Variants in VASN observed in about 807,000 individuals in gnomAD.
The protein encoded by VASN is protein slit-like 2.
Under a neutral mutation model 4.8 loss-of-function variants are expected in VASN, and 5 were observed. The observed-to-expected ratio is 1.03, with a 90% confidence interval of 0.54 to 2.17. The LOEUF (loss-of-function observed/expected upper bound fraction) is 2.17, where lower values mean the gene tolerates loss of function less well. Ranked by LOEUF, VASN falls within the 30% of genes most tolerant of loss-of-function variation. The pLI, the probability that VASN is intolerant of heterozygous loss-of-function variation, is 0.01. For synonymous variants in VASN, 499 were observed against 460.8 expected, an observed-to-expected ratio of 1.08 and a Z score of -1.06; for missense variants, 927 against 948.8, an observed-to-expected ratio of 0.98 and a Z score of 0.30.
At chr16:4,379,018 T>C (rs1227057871) in intron 1 of VASN, among the ~76,000 whole-genome samples, 1 of 152,000 alleles carries the variant, frequency 6.6e-6, no homozygotes, top group Admixed American at 6.5e-5. Flanking sequence ...ACCCCAGTGG[T>C]CACCTCACCA....
At position 4,382,367 on chromosome 16, in the gene VASN, C is replaced by T; in HGVS notation, c.1490C>T (p.Thr497Ile). Reference protein sequence around the residue: ...SSVQLRSLRLTYRNLSGPDKR... With the variant: ...SSVQLRSLRLIYRNLSGPDKR... Reference sequence around the variant, plus strand: ...GTGCAGCTCAGGAGCCTCCGTCTCACCTATCGCAACCTATCGGGCCCTGAT... The same window carrying T: ...GTGCAGCTCAGGAGCCTCCGTCTCATCTATCGCAACCTATCGGGCCCTGAT... Residue 497 changes from threonine to isoleucine, a missense_variant, in exon 2 of 2, where the codon ACC becomes ATC. By Grantham distance (89) the Thr-to-Ile change is moderately conservative. Coordinates refer to ENST00000304735, the MANE Select transcript of VASN (RefSeq NM_138440.3). 1 of 1,612,162 alleles carries T rather than the reference C, an allele frequency of 6.2e-7. No individual in the cohort carries two copies.
At chr16:4,379,511 C>T (rs1233640637) in intron 1 of VASN, among the ~76,000 whole-genome samples, 2 of 152,152 alleles carry the variant, frequency 1.3e-5, no homozygotes, top group Non-Finnish European at 2.9e-5. Context: ...CACACCTGGG[C>T]TCTAGCTCGG....
In VASN at chr16:4,371,853, C is replaced by G. The variant is rs1383357952; in HGVS notation, c.-150C>G. On this transcript the variant is annotated 5_prime_UTR_variant, in exon 1 of 2. Transcript: ENST00000304735. ...CGACCTGCCTCCAGCGAGCCGACTC[C>G]GGAGCCCGAGCCCGGGGCGGGTGGA... 6.6e-6 allele frequency: 1 copy of G among 152,136 alleles called. No homozygotes were observed. Among genetic ancestry groups the G allele is most frequent in the Non-Finnish European group, 1.5e-5 (1 of 68,004 alleles). 9.4% of individuals were successfully genotyped at this position (152,136 alleles called of 1,614,324 possible).
chr16:4,377,646 T>A (rs1006227280), intron 1 of VASN, among the ~76,000 whole-genome samples: 2 of 152,188 alleles, frequency 1.3e-5, no homozygotes, highest in Non-Finnish European at 2.9e-5. Flanking sequence ...CTTCCCTCGC[T>A]GGGTTCCTCT....
In VASN at chr16:4,382,892, A is replaced by ACATC; in HGVS notation, c.2016_2019dup (p.Ter674HisfsTer29). The stretch of plus-strand genomic sequence containing the variant: ...CAGTCACCCCTCCACGCAAAGCCCT[A>ACATC]CATCTAAGCCAGAGAGAGACAGGGC... On this transcript the variant is annotated frameshift_variant, in exon 2 of 2. Coordinates refer to ENST00000304735, the MANE Select transcript of VASN (RefSeq NM_138440.3). LOFTEE classifies it high-confidence loss of function. The ACATC allele has an allele frequency of 6.6e-7, 1 of 1,526,196 alleles. No individual in the cohort carries two copies. The highest frequency in any genetic ancestry group is 1.4e-5 in the African/African-American group (1 of 72,062). The allele number at this position is 1,526,196 out of a possible 1,614,324, so 94.5% of individuals were successfully genotyped here.
Position 4,382,675 on chromosome 16 carries a change from C to A in VASN, c.1798C>A (p.Arg600=). 1 of 1,546,504 alleles carries A rather than the reference C, an allele frequency of 6.5e-7. No individual in the cohort carries two copies. Among genetic ancestry groups the A allele is most frequent in the South Asian group, 1.2e-5 (1 of 84,312 alleles). ...TGCGGTGGGGGCAGCCTACTGTGTG[C>A]GGCGGGGGCGGGCCATGGCAGCAGC... is the stretch of plus-strand genomic sequence containing the variant. ...LAAVGAAYCV[R]RGRAMAAAAQ... The change falls in exon 2 of 2, where the codon CGG becomes AGG. Residue 600 remains arginine (R), a synonymous_variant. Coordinates refer to ENST00000304735, the MANE Select transcript of VASN (RefSeq NM_138440.3).
rs734433 is a variant in VASN, at chr16:4,380,727, C to T, written c.-9-142C>T. On this transcript the variant is annotated intron_variant, in intron 1 of 1. Coordinates refer to ENST00000304735, the MANE Select transcript of VASN (RefSeq NM_138440.3). ...GGCTGGGACAGAACCTGGGTCGGGG[C>T]ACTGGCGACCTGACTCATAACCATT... 2,655 of 908,280 alleles carry T rather than the reference C, an allele frequency of 2.9e-3. 99 individuals carry two copies. In the Admixed American group the frequency reaches 0.076, roughly 26 times the overall value. The allele number at this position is 908,280 out of a possible 1,614,324, so 56.3% of individuals were successfully genotyped here. A position where few individuals can be genotyped will look rare whatever the true frequency, so the allele number is the denominator to read the frequency against.
intron 1 of VASN, among the ~76,000 whole-genome samples, chr16:4,377,013 C>T (rs536723086): frequency 2.6e-5 from 4 of 152,330 alleles, no homozygotes; most frequent in African/African-American, 7.2e-5. Context: ...GACCAAGTCA[C>T]CCCAGACACA....
intron 1 of VASN, among the ~76,000 whole-genome samples, chr16:4,377,230 C>T (rs919386920): frequency 2.6e-5 from 4 of 152,034 alleles, no homozygotes; most frequent in South Asian, 2.1e-4. Context: ...CCGACGTCCC[C>T]GAATCCCAGG....
At chr16:4,377,231 G>A (rs1432128793) in intron 1 of VASN, among the ~76,000 whole-genome samples, 2 of 151,902 alleles carry the variant, frequency 1.3e-5, no homozygotes, top group Admixed American at 6.6e-5. Flanking sequence ...CGACGTCCCC[G>A]AATCCCAGGA....
rs1375636238 is a variant in VASN at position 4,382,351 on chromosome 16, A to G, written c.1474A>G (p.Arg492Gly). The change falls in exon 2 of 2, where the codon AGG (arginine) becomes GGG (glycine). Residue 492 changes from arginine to glycine, a missense_variant. Transcript: ENST00000304735. ...RYLQGSSVQL[R>G]SLRLTYRNLS... is the part of the protein sequence containing the mutation. ...CCTCCAGGGGAGCTCCGTGCAGCTC[A>G]GGAGCCTCCGTCTCACCTATCGCAA... 2.5e-6 allele frequency: 4 copies of G among 1,611,964 alleles called. No homozygotes were observed. The highest frequency in any genetic ancestry group is 1.1e-5 in the South Asian group (1 of 90,988).
rs764979455 is a variant in VASN, at chr16:4,381,801, G to A, written c.924G>A (p.Trp308Ter). The change falls in exon 2 of 2, where the codon TGG becomes TGA. Residue 308 changes from tryptophan (W) to a stop codon, truncating the protein, a stop_gained. Coordinates refer to ENST00000304735, the MANE Select transcript of VASN (RefSeq NM_138440.3). LOFTEE classifies it low-confidence loss of function (END_TRUNC). The stretch of plus-strand genomic sequence containing the variant: ...TCAACTGCGTGTGCCCCCTGAGCTG[G>A]TTTGGCCCCTGGGTGCGCGAGAGCC... Reference protein sequence around the residue: ...NPFNCVCPLSWFGPWVRESHV... With the variant: ...NPFNCVCPLS The A allele has an allele frequency of 1.2e-6, 2 of 1,600,488 alleles. No individual in the cohort carries two copies. The highest frequency in any genetic ancestry group is 1.1e-5 in the South Asian group (1 of 91,010).
Position 4,381,290 on chromosome 16 carries a change from A to G in VASN, c.413A>G (p.His138Arg). The change falls in exon 2 of 2, where the codon CAC becomes CGC. Residue 138 changes from histidine (H) to arginine (R), a missense_variant. Physicochemically the swap from His to Arg is conservative, Grantham distance 29. Transcript: ENST00000304735. The part of the protein sequence containing the change: ...RLYLGKNRIR[H>R]IQPGAFDTLD... ...TACCTGGGCAAGAACCGCATCCGCC[A>G]CATCCAGCCTGGTGCCTTCGACACG... 11 of 1,612,446 alleles carry G rather than the reference A, an allele frequency of 6.8e-6. No homozygotes were observed. The highest frequency in any genetic ancestry group is 9.3e-6 in the Non-Finnish European group (11 of 1,179,822).
intron 1 of VASN, among the ~76,000 whole-genome samples, chr16:4,374,205 T>G (rs1229259127): frequency 6.7e-6 from 1 of 149,324 alleles, no homozygotes; most frequent in Non-Finnish European, 1.5e-5. Context: ...GTGGGGGTGT[T>G]TGGGGGAGCC....
At chr16:4,379,974 C>T (rs2054894408) in intron 1 of VASN, among the ~76,000 whole-genome samples, 1 of 150,376 alleles carries the variant, frequency 6.6e-6, no homozygotes, top group Non-Finnish European at 1.5e-5. Context: ...AGGAGAATTG[C>T]TTGAACCTGG....
rs552310531 is a variant in VASN at position 4,381,908 on chromosome 16, A to G, written c.1031A>G (p.Tyr344Cys). 8.7e-6 allele frequency: 14 copies of G among 1,606,232 alleles called. No homozygotes were observed. In the East Asian group the frequency reaches 2.0e-4, roughly 23 times the overall value. Residue 344 changes from tyrosine to cysteine, a missense_variant, in exon 2 of 2, where the codon TAC becomes TGC. Tyr to Cys is a radical substitution (Grantham distance 194, BLOSUM62 -2). Transcript: ENST00000304735. ...NAGRLLLELD[Y>C]ADFGCPATTT... ...GGCCGGCTGCTCCTGGAGCTTGACT[A>G]CGCCGACTTTGGCTGCCCAGCCACC...
intron 1 of VASN, among the ~76,000 whole-genome samples, chr16:4,373,858 G>A (rs2054620343): frequency 6.6e-6 from 1 of 152,052 alleles, no homozygotes; most frequent in African/African-American, 2.4e-5. Context: ...TGTGTAGAGG[G>A]GAGGCTGCCC....
chr16:4,378,761 A>C (rs962405248), intron 1 of VASN, among the ~76,000 whole-genome samples: 2 of 152,186 alleles, frequency 1.3e-5, no homozygotes, highest in Admixed American at 1.3e-4. Flanking sequence ...ACCTATGGCA[A>C]AGGCAGGCTG....
In VASN at chr16:4,381,394, C is replaced by T. The variant is rs367834711; in HGVS notation, c.517C>T (p.Leu173=). 1.3e-5 allele frequency: 20 copies of T among 1,588,196 alleles called. No homozygotes were observed. In the African/African-American group the frequency reaches 2.4e-4, roughly 19 times the overall value. ...CCCGCTGCGCCTGCCCCGCCTGCTG[C>T]TGCTGGACCTCAGCCACAACAGCCT... The part of the protein sequence containing the change: ...LPPLRLPRLL[L]LDLSHNSLLA... The change falls in exon 2 of 2, where the codon CTG becomes TTG. Residue 173 remains leucine (L), a synonymous_variant. Coordinates refer to ENST00000304735, the MANE Select transcript of VASN (RefSeq NM_138440.3).
Sources: allele counts gnomAD v4.1 joint callset (sites outside exome capture counted in the v4.1 genomes callset), GRCh38; gene constraint gnomAD v4.1.1; transcripts MANE v1.5; gene names NCBI Gene and HGNC (gene_info 2026-07-23, HGNC 2026-07-21).